Variants in CYP4X1 observed in about 807,000 individuals in gnomAD.
CYP4X1 encodes cytochrome P450 4X1.
CYP4X1 carries 44 observed loss-of-function variants against 57.9 expected under a neutral mutation model. The observed-to-expected ratio is 0.76, with a 90% confidence interval of 0.60 to 0.98. The LOEUF (loss-of-function observed/expected upper bound fraction) is 0.98, where lower values mean the gene tolerates loss of function less well. CYP4X1 is among the 50% of genes least tolerant of loss of function. The pLI is 0.00. For missense variants in CYP4X1, 532 were observed against 623.9 expected (o/e 0.85, Z 1.57); for synonymous variants, 227 against 228.6 (o/e 0.99, Z 0.06).
the CYP4X1 span, among the ~76,000 whole-genome samples, chr1:46,988,608 T>C: frequency 6.6e-6 from 1 of 152,174 alleles, no homozygotes; most frequent in Non-Finnish European, 1.5e-5. Flanking sequence ...CCAATATCCC[T>C]GAGGAACATC....
At chr1:46,974,186 T>C in the CYP4X1 span, among the ~76,000 whole-genome samples, 1 of 152,320 alleles carries the variant, frequency 6.6e-6, no homozygotes, top group South Asian at 2.1e-4. Flanking sequence ...CCAAATGTTA[T>C]TCAGAAGCAG....
the CYP4X1 span, among the ~76,000 whole-genome samples, chr1:47,012,490 T>C: frequency 9.9e-5 from 15 of 152,074 alleles, no homozygotes; most frequent in African/African-American, 3.6e-4. Flanking sequence ...CACACCAACA[T>C]GGCACATGTA....
chr1:47,004,734 G>T, the CYP4X1 span, among the ~76,000 whole-genome samples: 1 of 152,136 alleles, frequency 6.6e-6, no homozygotes, highest in Non-Finnish European at 1.5e-5. Context: ...GCAGATAATT[G>T]CCCTGGCTGG....
chr1:47,044,464 T>A (rs949551763), intron 8 of CYP4X1, among the ~76,000 whole-genome samples: 2 of 152,240 alleles, frequency 1.3e-5, no homozygotes, highest in Non-Finnish European at 2.9e-5. Flanking sequence ...TAACAAATTA[T>A]TGTAGCAACA....
intron 8 of CYP4X1, among the ~76,000 whole-genome samples, chr1:47,040,739 G>A (rs1644237362): frequency 6.6e-6 from 1 of 152,038 alleles, no homozygotes; most frequent in Admixed American, 6.6e-5. Flanking sequence ...TGTATACACT[G>A]TGGAATGACT....
At chr1:47,042,391 A>G (rs1208893307) in intron 8 of CYP4X1, among the ~76,000 whole-genome samples, 3 of 151,942 alleles carry the variant, frequency 2.0e-5, no homozygotes, top group African/African-American at 4.8e-5. Flanking sequence ...AATGCTTCCA[A>G]TTAATGAACA....
chr1:47,039,033 A>G (rs1644216343), intron 7 of CYP4X1, among the ~76,000 whole-genome samples: 1 of 152,154 alleles, frequency 6.6e-6, no homozygotes, highest in African/African-American at 2.4e-5. Flanking sequence ...GGCATCATGA[A>G]AAAATGGTCA....
chr1:46,977,645 G>A, the CYP4X1 span, among the ~76,000 whole-genome samples: 5 of 151,756 alleles, frequency 3.3e-5, no homozygotes, highest in African/African-American at 7.3e-5. Context: ...GATACTCCAC[G>A]ACAAGAGCAC....
At chr1:47,035,783 T>A (rs1644173235) in intron 4 of CYP4X1, 23 bp from the exon 5 acceptor site, 3 of 1,602,742 alleles carry the variant, frequency 1.9e-6, no homozygotes, top group African/African-American at 2.7e-5. Flanking sequence ...GGTGATGATG[T>A]TGGTCTTGAC....
At chr1:46,970,076 C>T in the CYP4X1 span, among the ~76,000 whole-genome samples, 1 of 152,184 alleles carries the variant, frequency 6.6e-6, no homozygotes, top group Non-Finnish European at 1.5e-5. Flanking sequence ...AATGATTCAA[C>T]TCTATGTAGA....
At chr1:46,990,534 G>C in the CYP4X1 span, among the ~76,000 whole-genome samples, 1 of 152,172 alleles carries the variant, frequency 6.6e-6, no homozygotes, top group Non-Finnish European at 1.5e-5. Flanking sequence ...ATTTGACCCA[G>C]CAATCCGATT....
At chr1:46,997,667 C>T in the CYP4X1 span, among the ~76,000 whole-genome samples, 4 of 152,176 alleles carry the variant, frequency 2.6e-5, no homozygotes, top group African/African-American at 9.7e-5. Context: ...CTGCCGTAAA[C>T]ATACATGTGT....
chr1:47,035,465 C>T (rs942823461), intron 4 of CYP4X1, among the ~76,000 whole-genome samples: 1 of 152,170 alleles, frequency 6.6e-6, no homozygotes, highest in Non-Finnish European at 1.5e-5. Context: ...CTGGGGTAAA[C>T]CCCTTGTAAT....
At chr1:47,024,114 T>C (rs2036462) in intron 1 of CYP4X1, 120 bp downstream of exon 1, 415,727 of 1,245,924 alleles carry the variant, frequency 0.33, 75,094 homozygotes, top group East Asian at 0.71. Context: ...CGGCTTGCAC[T>C]GGCCTTTCCA....
the CYP4X1 span, among the ~76,000 whole-genome samples, chr1:46,972,355 T>G: frequency 6.6e-6 from 1 of 152,230 alleles, no homozygotes; most frequent in Admixed American, 6.5e-5. Flanking sequence ...TGCAGTATAT[T>G]TTAAAGTCAG....
the CYP4X1 span, among the ~76,000 whole-genome samples, chr1:46,969,251 T>G: frequency 6.6e-6 from 1 of 152,178 alleles, no homozygotes; most frequent in Non-Finnish European, 1.5e-5. Context: ...TTGCCGTGAG[T>G]GAAAACTTAC....
the CYP4X1 span, among the ~76,000 whole-genome samples, chr1:46,966,612 T>C: frequency 9.3e-4 from 142 of 152,280 alleles, no homozygotes; most frequent in African/African-American, 3.2e-3. Flanking sequence ...GCCTAGTCAG[T>C]CCCAAGGCAA....
intron 8 of CYP4X1, among the ~76,000 whole-genome samples, chr1:47,040,875 AC>A (rs1456334716): frequency 1.3e-5 from 2 of 152,126 alleles, no homozygotes; most frequent in African/African-American, 4.8e-5. Flanking sequence ...CACATATTGT[AC>A]AATGCATCTC....
At chr1:46,969,094 T>C in the CYP4X1 span, among the ~76,000 whole-genome samples, 2 of 152,174 alleles carry the variant, frequency 1.3e-5, no homozygotes, top group Non-Finnish European at 1.5e-5. Flanking sequence ...TCCCTCATTA[T>C]GGTTTAGCAC....
Sources: gnomAD v4.1 joint callset for allele counts (sites outside exome capture counted in the v4.1 genomes callset) on GRCh38, gnomAD v4.1.1 for gene constraint, MANE v1.5 for transcripts, NCBI Gene and HGNC (gene_info 2026-07-23, HGNC 2026-07-21) for gene names.